NUP35: variants seen among roughly 807,000 people sequenced by gnomAD.
NUP35 encodes nucleoporin 35.
NUP35 carries 25 observed loss-of-function variants against 41.5 expected under a neutral mutation model. The observed-to-expected ratio is 0.60, with a 90% CI of 0.44 to 0.84. The LOEUF (loss-of-function observed/expected upper bound fraction) is 0.84, where lower values mean the gene tolerates loss of function less well. Ranked by LOEUF, NUP35 falls within the 40% of genes least tolerant of loss-of-function variation. NUP35 has a pLI of 0.00. For missense variants in NUP35, 396 were observed against 396.6 expected (o/e 1.00, Z 0.01); for synonymous variants, 149 against 130.7 (o/e 1.14, Z -0.96).
chr2:183,133,655 T>TTA, intron 4 of NUP35, 32 bp downstream of exon 4: 2 of 961,890 alleles, frequency 2.1e-6, no homozygotes, highest in African/African-American at 1.9e-5. Context: ...TTTTTTTTTT[T>TTA]AAAAGACAGG....
chr2:183,124,286 C>T (rs151019531), upstream of NUP35: 218 of 1,430,022 alleles, frequency 1.5e-4, 2 homozygotes, highest in East Asian at 4.7e-3. Flanking sequence ...ATTCTCAGCG[C>T]AAAGACTTTG....
At chr2:183,137,097 AAG>A (rs1449114287) in intron 4 of NUP35, among the ~76,000 whole-genome samples, 1 of 150,926 alleles carries the variant, frequency 6.6e-6, no homozygotes, top group Non-Finnish European at 1.5e-5. Flanking sequence ...CTCCAAAAAA[AAG>A]AAATCTTGGA....
chr2:183,139,308 G>A (rs1195945241), intron 4 of NUP35, among the ~76,000 whole-genome samples: 1 of 151,046 alleles, frequency 6.6e-6, no homozygotes, highest in African/African-American at 2.4e-5. Context: ...CCAGGCTCAA[G>A]CAGTCCTCCC....
chr2:183,151,770 A>G (rs2105603356), intron 5 of NUP35, 121 bp downstream of exon 5: 1 of 834,476 alleles, frequency 1.2e-6, no homozygotes, highest in Non-Finnish European at 1.9e-6. Context: ...ACTACCACCT[A>G]GGTTCTATGG....
chr2:183,144,089 G>A (rs2105584597), intron 4 of NUP35, among the ~76,000 whole-genome samples: 1 of 152,290 alleles, frequency 6.6e-6, no homozygotes, highest in African/African-American at 2.4e-5. Context: ...TGTGCTCATG[G>A]TTACAGTTTT....
At chr2:183,119,249 C>T (rs1003818642) in intron 1 of NUP35, among the ~76,000 whole-genome samples, 2 of 152,168 alleles carry the variant, frequency 1.3e-5, no homozygotes, top group African/African-American at 4.8e-5. Flanking sequence ...CCTTCTCTTG[C>T]TCTGTTTATG....
chr2:183,124,240 C>T (rs1700110974), upstream of NUP35: 1 of 1,210,652 alleles, frequency 8.3e-7, no homozygotes, highest in African/African-American at 1.5e-5. Context: ...TACGCTGGTT[C>T]GCCACCTTCC....
At chr2:183,132,606 A>AC (rs1684738465) in intron 3 of NUP35, among the ~76,000 whole-genome samples, 1 of 152,156 alleles carries the variant, frequency 6.6e-6, no homozygotes, top group South Asian at 2.1e-4. Context: ...TTGTTGCAAG[A>AC]ACCACTGGCT....
intron 4 of NUP35, among the ~76,000 whole-genome samples, chr2:183,137,956 T>C (rs1023692966): frequency 7.9e-5 from 12 of 152,040 alleles, no homozygotes; most frequent in Non-Finnish European, 7.4e-5. Flanking sequence ...TTTTCTAATA[T>C]AGTAACTTCT....
chr2:183,128,910 A>G (rs886533408), intron 2 of NUP35, among the ~76,000 whole-genome samples: 1 of 152,186 alleles, frequency 6.6e-6, no homozygotes, highest in African/African-American at 2.4e-5. Flanking sequence ...TCATTCTAAG[A>G]TGCCTTTGAA....
At chr2:183,147,825 T>C (rs1685333131) in intron 4 of NUP35, among the ~76,000 whole-genome samples, 1 of 152,230 alleles carries the variant, frequency 6.6e-6, no homozygotes, top group Non-Finnish European at 1.5e-5. Context: ...TTTCCATTTG[T>C]GTCATCTGCG....
chr2:183,128,205 T>G, intron 1 of NUP35, 82 bp from the exon 2 acceptor site: 1 of 1,152,538 alleles, frequency 8.7e-7, no homozygotes, highest in Admixed American at 3.1e-5. Context: ...AAAATTATGT[T>G]AGATTCTTGC....
intron 4 of NUP35, among the ~76,000 whole-genome samples, chr2:183,137,752 C>T (rs1274164241): frequency 6.6e-6 from 1 of 151,252 alleles, no homozygotes; most frequent in Non-Finnish European, 1.5e-5. Context: ...ATGATTGCAC[C>T]ACTGCACGCG....
At chr2:183,150,311 G>T (rs1441573527) in intron 4 of NUP35, among the ~76,000 whole-genome samples, 1 of 152,118 alleles carries the variant, frequency 6.6e-6, no homozygotes, top group Non-Finnish European at 1.5e-5. Flanking sequence ...TTTTACAGTG[G>T]CTTTATAAGG....
intron 5 of NUP35, among the ~76,000 whole-genome samples, chr2:183,153,623 C>T (rs533212948): frequency 1.3e-5 from 2 of 152,322 alleles, no homozygotes; most frequent in East Asian, 3.9e-4. Context: ...GAGGTGGGTT[C>T]CCATGGTCTT....
At chr2:183,127,664 G>T (rs554064957) in intron 1 of NUP35, among the ~76,000 whole-genome samples, 15 of 152,312 alleles carry the variant, frequency 9.8e-5, no homozygotes, top group Admixed American at 8.5e-4. Flanking sequence ...AAGTAGTGCA[G>T]CCTGTCCTTG....
chr2:183,121,932 T>TATTATTATTATTATTATTATTATC, upstream of NUP35, among the ~76,000 whole-genome samples: 2 of 149,658 alleles, frequency 1.3e-5, no homozygotes, highest in Non-Finnish European at 3.0e-5. Context: ...TTATTATTAT[T>TATTATTATTATTATTATTATTATC]ATACTTTAAG....
chr2:183,151,450 T>C (rs1242781278), intron 4 of NUP35, 58 bp from the exon 5 acceptor site: 1 of 1,524,722 alleles, frequency 6.6e-7, no homozygotes, highest in Non-Finnish European at 9.0e-7. Context: ...AGATTTTTGA[T>C]TTAGAATCAA....
chr2:183,151,573 T>C lies in NUP35; in HGVS notation c.463T>C (p.Leu155=), dbSNP rs554501045. 4 of 1,613,850 alleles carry C rather than the reference T, an allele frequency of 2.5e-6. No homozygotes were observed. Among genetic ancestry groups the C allele is most frequent in the African/African-American group, 2.7e-5 (2 of 75,052 alleles). The change falls in exon 5 of 9, where the codon TTG becomes CTG. Residue 155 remains leucine (L), a synonymous_variant. Coordinates refer to ENST00000295119, the MANE Select transcript of NUP35 (RefSeq NM_138285.5). ...AAAGACGACATTATCTCCTGCCCAG[T>C]TGGATCCTTTTTATACTCAAGGAGA... is the stretch of plus-strand genomic sequence containing the variant. ...PRKTTLSPAQ[L]DPFYTQGDSL... is the part of the protein sequence containing the mutation.
Sources: gnomAD v4.1 joint callset for allele counts (sites outside exome capture counted in the v4.1 genomes callset) on GRCh38, gnomAD v4.1.1 for gene constraint, MANE v1.5 for transcripts, NCBI Gene and HGNC (gene_info 2026-07-23, HGNC 2026-07-21) for gene names.